The following WDR93 variants were observed in gnomAD, a reference collection of about 807,000 sequenced individuals.
WDR93 encodes the protein WD repeat domain 93.
Under a neutral mutation model 82.9 loss-of-function variants are expected in WDR93, and 73 were observed. That is an observed-to-expected ratio of 0.88 (90% confidence interval 0.73 to 1.07). The LOEUF is 1.07. WDR93 is among the 50% of genes least tolerant of loss of function. The pLI is 0.00. For synonymous variants in WDR93, 283 were observed against 300.1 expected, an observed-to-expected ratio of 0.94 and a Z score of 0.59; for missense variants, 738 against 826.0, an observed-to-expected ratio of 0.89 and a Z score of 1.31.
At chr15:89,708,348 A>G (rs1166670721) in intron 4 of WDR93, among the ~76,000 whole-genome samples, 1 of 152,168 alleles carries the variant, frequency 6.6e-6, no homozygotes, top group African/African-American at 2.4e-5. Context: ...AGGAGCAGAG[A>G]GCGGACCCCA....
At chr15:89,740,782 A>G (rs901567975) in intron 16 of WDR93, among the ~76,000 whole-genome samples, 3 of 152,116 alleles carry the variant, frequency 2.0e-5, no homozygotes, top group East Asian at 1.9e-4. Flanking sequence ...GATTACAGAC[A>G]TGAGCCACCA....
chr15:89,714,958 G>C, intron 5 of WDR93, 22 bp from the exon 6 acceptor site: 1 of 1,599,754 alleles, frequency 6.3e-7, no homozygotes, highest in Non-Finnish European at 8.6e-7. Flanking sequence ...TTGCTCAATG[G>C]TTCTCTGGTT....
rs1279994132 is a variant in WDR93 at position 89,741,159 on chromosome 15, G to A, written c.1962-2133G>A. Reference sequence around the variant, plus strand: ...TGTCTCAAAAAAAATAAATAAATAAGTGTTAAATATTCTTTATTTGCTATT... The same window carrying A: ...TGTCTCAAAAAAAATAAATAAATAAATGTTAAATATTCTTTATTTGCTATT... On this transcript the variant is annotated intron_variant, in intron 16 of 16. Coordinates refer to ENST00000268130, the MANE Select transcript of WDR93 (RefSeq NM_020212.2). Among the ~76,000 whole-genome samples, 3 of 152,220 alleles carry A rather than the reference G, an allele frequency of 2.0e-5. No individual in the cohort carries two copies. The East Asian group carries it at 5.8e-4, about 29-fold the overall frequency.
chr15:89,723,574 A>G (rs1966613258), intron 8 of WDR93, among the ~76,000 whole-genome samples: 1 of 152,234 alleles, frequency 6.6e-6, no homozygotes, highest in Non-Finnish European at 1.5e-5. Context: ...AAGATAAAAA[A>G]TAGATAAGTG....
chr15:89,694,789 C>A (rs1238096826), intron 1 of WDR93, among the ~76,000 whole-genome samples: 1 of 152,076 alleles, frequency 6.6e-6, no homozygotes. Context: ...AAGTTTTCTT[C>A]TAGAAGTTTT....
intron 8 of WDR93, 125 bp from the exon 9 acceptor site, chr15:89,727,032 G>T: frequency 9.0e-7 from 1 of 1,109,096 alleles, no homozygotes. Context: ...ACCAATTGCA[G>T]AGCAAGAATC....
At chr15:89,718,908 C>T (rs181433400) in intron 7 of WDR93, among the ~76,000 whole-genome samples, 2 of 152,336 alleles carry the variant, frequency 1.3e-5, no homozygotes, top group Non-Finnish European at 2.9e-5. Context: ...AGCCACCGCG[C>T]CCAGCCCCAG....
chr15:89,715,028 G>C lies in WDR93; in HGVS notation c.689G>C (p.Trp230Ser), dbSNP rs1966182196. 1 of 1,613,884 alleles carries C rather than the reference G, an allele frequency of 6.2e-7. No individual in the cohort carries two copies. Among genetic ancestry groups the C allele is most frequent in the African/African-American group, 1.3e-5 (1 of 74,898 alleles). The change falls in exon 6 of 17, where the codon TGG (tryptophan) becomes TCG (serine). Residue 230 changes from tryptophan (W) to serine (S), a missense_variant. By Grantham distance (177) the Trp-to-Ser change is radical. Transcript: ENST00000268130. The stretch of plus-strand genomic sequence containing the variant: ...GTGTATAAATTGCCCAAGGAGACTT[G>C]GCTCAAGAAACTAGAGCACCCCCAA... Reference protein sequence around the residue: ...LDVYKLPKETWLKKLEHPQLT... With the variant: ...LDVYKLPKETSLKKLEHPQLT...
intron 16 of WDR93, among the ~76,000 whole-genome samples, chr15:89,739,899 C>T (rs571146423): frequency 1.3e-5 from 2 of 152,230 alleles, no homozygotes; most frequent in East Asian, 1.9e-4. Context: ...AGACTGTTTA[C>T]TCAGGGAAGA....
chr15:89,729,022 G>T lies in WDR93; in HGVS notation c.1053-1G>T, dbSNP rs1338240899. 1.2e-6 allele frequency: 2 copies of T among 1,613,930 alleles called. No homozygotes were observed. Among genetic ancestry groups the T allele is most frequent in the African/African-American group, 1.3e-5 (1 of 74,910 alleles). On this transcript the variant is annotated splice_acceptor_variant, in intron 9 of 16. Coordinates refer to ENST00000268130, the MANE Select transcript of WDR93 (RefSeq NM_020212.2). LOFTEE classifies it high-confidence loss of function. ...CTGACTCGTGTGTCTTTCTTTCCCA[G>T]TACGGCCACCTTCTATTTCCTTCTT... is the stretch of plus-strand genomic sequence containing the variant.
At chr15:89,691,449 T>C (rs1037370794) in intron 1 of WDR93, among the ~76,000 whole-genome samples, 1 of 152,258 alleles carries the variant, frequency 6.6e-6, no homozygotes, top group Non-Finnish European at 1.5e-5. Context: ...GCCGGTGCTG[T>C]GGCTTACGCC....
At chr15:89,709,019 C>A (rs1421710386) in intron 4 of WDR93, among the ~76,000 whole-genome samples, 1 of 152,370 alleles carries the variant, frequency 6.6e-6, no homozygotes, top group Admixed American at 6.5e-5. Context: ...GGTGCCCACA[C>A]TATTGCAGCC....
intron 1 of WDR93, among the ~76,000 whole-genome samples, chr15:89,701,044 T>C (rs1965437637): frequency 6.6e-6 from 1 of 152,134 alleles, no homozygotes. Context: ...TTTGTAAATA[T>C]TTAATTATCA....
chr15:89,741,453 C>T (rs1353321135), intron 16 of WDR93, among the ~76,000 whole-genome samples: 1 of 152,162 alleles, frequency 6.6e-6, no homozygotes, highest in Admixed American at 6.5e-5. Context: ...GTCTTGAACT[C>T]TTAGGCTCAA....
chr15:89,704,732 CAGAA>C (rs1192406807), intron 3 of WDR93: 2 of 152,134 alleles, frequency 1.3e-5, no homozygotes, highest in African/African-American at 4.8e-5. Context: ...TGTTGATACT[CAGAA>C]GGAGTTTAGT....
At chr15:89,701,679 G>A in intron 1 of WDR93, 28 bp from the exon 2 acceptor site, 1 of 1,534,256 alleles carries the variant, frequency 6.5e-7, no homozygotes, top group Non-Finnish European at 8.8e-7. Context: ...CTTTCTTCCA[G>A]AATTCCTTTG....
intron 1 of WDR93, among the ~76,000 whole-genome samples, chr15:89,697,105 G>A (rs773304923): frequency 3.0e-4 from 46 of 151,964 alleles, no homozygotes; most frequent in Non-Finnish European, 5.7e-4. Context: ...TGAGGTGCAC[G>A]CCACCCCCAC....
rs367763364 is a variant in WDR93 at position 89,737,624 on chromosome 15, C to T, written c.1660C>T (p.Arg554Cys). 2.6e-5 allele frequency: 42 copies of T among 1,614,046 alleles called. No individual in the cohort carries two copies. Among genetic ancestry groups the T allele is most frequent in the Admixed American group, 2.3e-4 (14 of 60,002 alleles). The change falls in exon 15 of 17, where the codon CGT becomes TGT. Residue 554 changes from arginine (R) to cysteine (C), a missense_variant. By Grantham distance (180) the Arg-to-Cys change is radical. Coordinates refer to ENST00000268130, the MANE Select transcript of WDR93 (RefSeq NM_020212.2). ...GSVCLMDVAK[R>C]EIICAFAPPG... ...TGTGTGCCTTATGGATGTGGCCAAGCGTGAAATCATCTGTGCCTTTGCCCC... is the reference window on the plus strand; with the variant it reads ...TGTGTGCCTTATGGATGTGGCCAAGTGTGAAATCATCTGTGCCTTTGCCCC...
At chr15:89,739,084 C>A (rs990592568) in intron 16 of WDR93, among the ~76,000 whole-genome samples, 8 of 150,682 alleles carry the variant, frequency 5.3e-5, no homozygotes, top group Non-Finnish European at 8.8e-5. Context: ...CCATTGCACT[C>A]CAGCCTGGGT....
Sources: gnomAD v4.1 joint callset for allele counts (sites outside exome capture counted in the v4.1 genomes callset) on GRCh38, gnomAD v4.1.1 for gene constraint, MANE v1.5 for transcripts, NCBI Gene and HGNC (gene_info 2026-07-23, HGNC 2026-07-21) for gene names.